The following HDAC4 variants were observed in gnomAD, a reference collection of about 807,000 sequenced individuals.
HDAC4 encodes the protein histone deacetylase A.
In HDAC4, 16 loss-of-function variants were observed where a neutral mutation model predicts 135.1. The ratio of observed to expected loss-of-function variants is 0.12; its 90% CI spans 0.08 to 0.18. The LOEUF (loss-of-function observed/expected upper bound fraction) is 0.18. Ranked by LOEUF, HDAC4 falls within the 10% of genes least tolerant of loss-of-function variation. The pLI, the probability that HDAC4 is intolerant of heterozygous loss-of-function variation, is 1.00. For synonymous variants in HDAC4, 685 were observed against 653.4 expected, an observed-to-expected ratio of 1.05 and a Z score of -0.74; for missense variants, 1,143 against 1,511.8, an observed-to-expected ratio of 0.76 and a Z score of 4.05.
intron 2 of HDAC4, among the ~76,000 whole-genome samples, chr2:239,248,242 G>A (rs1255212776): frequency 2.6e-5 from 4 of 151,630 alleles, no homozygotes; most frequent in Admixed American, 2.0e-4. Flanking sequence ...GTGCAGTGGC[G>A]TGATCTCGGC....
intron 2 of HDAC4, among the ~76,000 whole-genome samples, chr2:239,251,121 T>G (rs2048763308): frequency 6.6e-6 from 1 of 152,240 alleles, no homozygotes; most frequent in Non-Finnish European, 1.5e-5. Context: ...GTCCTCAACT[T>G]TAAACGATTT....
chr2:239,375,822 GC>G (rs1694965363), intron 1 of HDAC4, among the ~76,000 whole-genome samples: 1 of 152,188 alleles, frequency 6.6e-6, no homozygotes, highest in Admixed American at 6.5e-5. Flanking sequence ...ACCAGTGAGT[GC>G]CCCCGACTGC....
chr2:239,320,318 G>A (rs993566373), intron 2 of HDAC4, among the ~76,000 whole-genome samples: 10 of 150,824 alleles, frequency 6.6e-5, no homozygotes, highest in African/African-American at 2.4e-4. Context: ...GGAGGCGGAG[G>A]GTGCAGTGAG....
rs1214537725 is a variant in HDAC4, at chr2:239,068,158, C to T, written c.2869+331G>A. Among the ~76,000 whole-genome samples the T allele has an allele frequency of 1.3e-5, 2 of 152,156 alleles. No homozygotes were observed. Among genetic ancestry groups the T allele is most frequent in the Non-Finnish European group, 2.9e-5 (2 of 68,020 alleles). Reference sequence around the variant, plus strand: ...CGCCTGCCAGAGAAGCGGCATGGGGCACATCTCAGCTCTTGGTGGGACCAG... The same window carrying T: ...CGCCTGCCAGAGAAGCGGCATGGGGTACATCTCAGCTCTTGGTGGGACCAG... On this transcript the variant is annotated intron_variant, in intron 23 of 26. Coordinates refer to ENST00000543185, the MANE Select transcript of HDAC4 (RefSeq NM_001378414.1). This position sits in a 1 kb window ranked among gnomAD's most constrained non-coding sequence, Gnocchi z 4.4.
At chr2:239,381,159 G>A (rs1695393169) in intron 1 of HDAC4, among the ~76,000 whole-genome samples, 1 of 152,214 alleles carries the variant, frequency 6.6e-6, no homozygotes, top group African/African-American at 2.4e-5. Context: ...GCTGCCTCCC[G>A]CGACCGCCTT....
At chr2:239,120,508 C>T (rs1015797435) in intron 12 of HDAC4, among the ~76,000 whole-genome samples, 1 of 151,058 alleles carries the variant, frequency 6.6e-6, no homozygotes, top group Non-Finnish European at 1.5e-5. Context: ...TAGGCACAGG[C>T]ACACAGAGAC....
intron 20 of HDAC4, 77 bp from the exon 21 acceptor site, chr2:239,082,298 C>T (rs917645056): frequency 1.3e-6 from 2 of 1,580,508 alleles, no homozygotes; most frequent in African/African-American, 2.7e-5. Flanking sequence ...CGTCCCCAAC[C>T]CCAGTTGTGC....
chr2:239,122,964 G>T (rs1045438365), intron 12 of HDAC4, among the ~76,000 whole-genome samples: 6 of 151,988 alleles, frequency 3.9e-5, no homozygotes, highest in African/African-American at 1.2e-4. Context: ...AGGAAGGGCC[G>T]GGACGTCAGT....
intron 14 of HDAC4, 83 bp downstream of exon 14, chr2:239,111,443 G>C: frequency 7.2e-7 from 1 of 1,389,790 alleles, no homozygotes; most frequent in Non-Finnish European, 1.0e-6. Context: ...AGCCTCTGCA[G>C]AGCTGGGCCG....
chr2:239,214,893 C>T (rs898506950), intron 3 of HDAC4, among the ~76,000 whole-genome samples: 4 of 152,248 alleles, frequency 2.6e-5, no homozygotes, highest in Non-Finnish European at 2.9e-5. Flanking sequence ...ATCCTGAGCC[C>T]GGAGGTTGCC....
At chr2:239,384,966 C>G (rs373424706) in intron 1 of HDAC4, among the ~76,000 whole-genome samples, 1 of 152,210 alleles carries the variant, frequency 6.6e-6, no homozygotes, top group East Asian at 1.9e-4. Context: ...GAGGTGCACA[C>G]CCAAGGGCTC....
Position 239,296,081 on chromosome 2 carries a change from C to A in HDAC4, c.22+56597G>T, listed in dbSNP as rs143352145. ...ATGAGGACACTGAGGCACAAAGAGG[C>A]TCAGGGATGGTCCAAAGTTAATCCA... is the stretch of plus-strand genomic sequence containing the variant. On this transcript the variant is annotated intron_variant, in intron 2 of 26. Coordinates refer to ENST00000543185, the MANE Select transcript of HDAC4 (RefSeq NM_001378414.1). Among the ~76,000 whole-genome samples the A allele has an allele frequency of 2.9e-3, 447 of 152,326 alleles. 2 individuals carry two copies. The highest frequency in any genetic ancestry group is 0.01 in the African/African-American group (425 of 41,568).
At chr2:239,384,057 CACAG>C (rs1410379792) in intron 1 of HDAC4, among the ~76,000 whole-genome samples, 2 of 152,348 alleles carry the variant, frequency 1.3e-5, no homozygotes, top group Admixed American at 6.5e-5. Context: ...ACAGCCCGGA[CACAG>C]ACAGAGAAGC....
Position 239,240,693 on chromosome 2 carries a change from G to A in HDAC4, c.23-4029C>T, listed in dbSNP as rs1025037078. Reference sequence around the variant, plus strand: ...CTGCAGACCAGATGCACACTGAGAGGGAGGCCGAGGAGCACGGGTACCTCG... The same window carrying A: ...CTGCAGACCAGATGCACACTGAGAGAGAGGCCGAGGAGCACGGGTACCTCG... On this transcript the variant is annotated intron_variant, in intron 2 of 26. Coordinates refer to ENST00000543185, the MANE Select transcript of HDAC4 (RefSeq NM_001378414.1). This position sits in a 1 kb window ranked among gnomAD's most constrained non-coding sequence, Gnocchi z 4.5. 2.6e-5 allele frequency among the ~76,000 whole-genome samples: 4 copies of A among 152,166 alleles called. No homozygotes were observed. The highest frequency in any genetic ancestry group is 9.7e-5 in the African/African-American group (4 of 41,432).
chr2:239,281,908 ACAC>A lies in HDAC4; in HGVS notation c.23-45247_23-45245del, dbSNP rs1267355775. Among the ~76,000 whole-genome samples the A allele has an allele frequency of 2.1e-4, 30 of 146,306 alleles. 2 individuals carry two copies. The highest frequency in any genetic ancestry group is 4.2e-4 in the East Asian group (2 of 4,802). ...ATGTACATACCACTCTACAATGAAC[ACAC>A]CACACTACACACAATGTACACACCA... On this transcript the variant is annotated intron_variant, in intron 2 of 26. Transcript: ENST00000543185.
At chr2:239,340,557 C>A (rs1692235139) in intron 2 of HDAC4, among the ~76,000 whole-genome samples, 1 of 152,184 alleles carries the variant, frequency 6.6e-6, no homozygotes, top group African/African-American at 2.4e-5. Flanking sequence ...CCTCTGTACC[C>A]TTCCAGCTGT....
rs756509655 is a variant in HDAC4, at chr2:239,163,812, T to C, written c.602A>G (p.Tyr201Cys). The change falls in exon 6 of 27, where the codon TAC becomes TGC. Residue 201 changes from tyrosine (Y) to cysteine (C), a missense_variant. This residue lies in a region of HDAC4 where 247 missense variants were observed against 310.0 expected (regional missense o/e 0.80). Transcript: ENST00000543185. ...LNHCISSDPR[Y>C]WYGKTQHSSL... ...CCACACCCACACTTACCCGTACCAG[T>C]AGCGAGGGTCGCTGGAAATGCAGTG... The C allele has an allele frequency of 1.8e-5, 29 of 1,614,128 alleles. No individual in the cohort carries two copies. The highest frequency in any genetic ancestry group is 2.5e-5 in the Non-Finnish European group (29 of 1,180,024).
chr2:239,394,713 G>A (rs555921732), intron 1 of HDAC4, among the ~76,000 whole-genome samples: 3 of 152,362 alleles, frequency 2.0e-5, no homozygotes, highest in South Asian at 4.1e-4. Flanking sequence ...CCCCGCAGAG[G>A]GGCCAGGCCA....
intron 2 of HDAC4, among the ~76,000 whole-genome samples, chr2:239,311,557 T>C (rs1003286442): frequency 2.0e-5 from 3 of 152,146 alleles, no homozygotes; most frequent in Non-Finnish European, 2.9e-5. Flanking sequence ...ACTGAGGACT[T>C]TGTAGGAATG....
Sources: gnomAD v4.1 joint callset for allele counts (sites outside exome capture counted in the v4.1 genomes callset) on GRCh38, gnomAD v4.1.1 for gene constraint, gnomAD v4.1.1 regional missense constraint, Gnocchi (gnomAD v3.1) non-coding constraint, MANE v1.5 for transcripts, NCBI Gene and HGNC (gene_info 2026-07-23, HGNC 2026-07-21) for gene names.